The following TFDP1 variants were observed in gnomAD, a reference collection of about 807,000 sequenced individuals.
TFDP1 encodes DRTF1-polypeptide 1.
TFDP1 carries 6 observed loss-of-function variants against 48.0 expected under a neutral mutation model. That is an observed-to-expected ratio of 0.13 (90% CI 0.07 to 0.25). The LOEUF (loss-of-function observed/expected upper bound fraction) is 0.25. Ranked by LOEUF, TFDP1 falls within the 10% of genes least tolerant of loss-of-function variation. TFDP1 has a pLI of 1.00. For synonymous variants in TFDP1, 201 were observed against 211.6 expected, an observed-to-expected ratio of 0.95 and a Z score of 0.44; for missense variants, 335 against 543.0, an observed-to-expected ratio of 0.62 and a Z score of 3.81.
intron 2 of TFDP1, among the ~76,000 whole-genome samples, chr13:113,593,138 C>T (rs1227541054): frequency 1.5e-5 from 2 of 130,316 alleles, no homozygotes; most frequent in African/African-American, 3.0e-5. Context: ...CAGCCCTGCC[C>T]AGGTGACAGG....
At chr13:113,629,758 T>G (rs1225979599) in intron 4 of TFDP1, among the ~76,000 whole-genome samples, 1 of 144,984 alleles carries the variant, frequency 6.9e-6, no homozygotes, top group Non-Finnish European at 1.5e-5. Flanking sequence ...AGTTCCTCGT[T>G]GTAAGTCAGT....
At chr13:113,632,828 A>G (rs1288374762) in intron 5 of TFDP1, among the ~76,000 whole-genome samples, 4 of 152,252 alleles carry the variant, frequency 2.6e-5, no homozygotes, top group African/African-American at 7.2e-5. Flanking sequence ...GTACCGGCAC[A>G]TCTCCCATAT....
chr13:113,613,834 A>T (rs971797893), intron 3 of TFDP1, among the ~76,000 whole-genome samples: 1 of 149,890 alleles, frequency 6.7e-6, no homozygotes, highest in South Asian at 2.1e-4. Flanking sequence ...TGGGTTGCAT[A>T]TGTGTTGAGT....
chr13:113,624,981 C>T (rs2140499445), intron 4 of TFDP1, among the ~76,000 whole-genome samples: 1 of 112,156 alleles, frequency 8.9e-6, no homozygotes, highest in Non-Finnish European at 1.8e-5. Context: ...TCTCACATGT[C>T]CTCAGGTGTC....
chr13:113,631,580 G>A, intron 4 of TFDP1, 43 bp from the exon 5 acceptor site: 1 of 1,589,472 alleles, frequency 6.3e-7, no homozygotes, highest in Non-Finnish European at 8.5e-7. Flanking sequence ...CCCTCGCCGT[G>A]TGGGAGGGGA....
chr13:113,626,296 C>T (rs2049178063), intron 4 of TFDP1, among the ~76,000 whole-genome samples: 2 of 152,238 alleles, frequency 1.3e-5, no homozygotes, highest in South Asian at 2.1e-4. Context: ...AACATGACCA[C>T]ATACCAGGGA....
At chr13:113,595,886 T>C (rs1026405969) in intron 2 of TFDP1, among the ~76,000 whole-genome samples, 1 of 152,194 alleles carries the variant, frequency 6.6e-6, no homozygotes. Context: ...ATCGAGACCA[T>C]CCTGGCTAAC....
At position 113,623,387 on chromosome 13, in the gene TFDP1, C is replaced by T. The variant is rs1253004718; in HGVS notation, c.186+101C>T. 17 of 1,155,270 alleles carry T rather than the reference C, an allele frequency of 1.5e-5. No individual in the cohort carries two copies. The highest frequency in any genetic ancestry group is 2.0e-4 in the Middle Eastern group (1 of 5,120). 71.6% of individuals were successfully genotyped at this position (1,155,270 alleles called of 1,614,324 possible). A position where few individuals can be genotyped will look rare whatever the true frequency, so the allele number is the denominator to read the frequency against. ...GTTCCCAGGTGTGCCTGGATTTGGG[C>T]TCCAGTTGCAGCATGGGGCCTTTCC... is the stretch of plus-strand genomic sequence containing the variant. On this transcript the variant is annotated intron_variant, in intron 4 of 11. Transcript: ENST00000375370. The surrounding 1 kb of genome is among the most constrained non-coding windows in gnomAD (Gnocchi z 5.2).
At chr13:113,593,700 TGTG>T (rs1462487132) in intron 2 of TFDP1, among the ~76,000 whole-genome samples, 4 of 126,844 alleles carry the variant, frequency 3.2e-5, no homozygotes, top group African/African-American at 9.3e-5. Flanking sequence ...AGGTGACAGG[TGTG>T]GTGTACGTGG....
In TFDP1 at chr13:113,640,918, T is replaced by TTTTG. The variant is rs762309268; in HGVS notation, c.*663_*666dup. The stretch of plus-strand genomic sequence containing the variant: ...TTTGCAGCAACAAATTGCGAAGTGC[T>TTTTG]TTTGTTTGTTTGTTTTCGTTTGGTT... On this transcript the variant is annotated 3_prime_UTR_variant, in exon 12 of 12. Transcript: ENST00000375370. 6.5e-6 allele frequency: 1 copy of TTTTG among 152,978 alleles called. No individual in the cohort carries two copies. Among genetic ancestry groups the TTTTG allele is most frequent in the Non-Finnish European group, 1.5e-5 (1 of 68,300 alleles). The allele number at this position is 152,978 out of a possible 1,614,324, so 9.5% of individuals were successfully genotyped here. A position where few individuals can be genotyped will look rare whatever the true frequency, so the allele number is the denominator to read the frequency against.
intron 2 of TFDP1, among the ~76,000 whole-genome samples, chr13:113,602,017 C>T (rs753308158): frequency 2.2e-4 from 33 of 150,766 alleles, no homozygotes; most frequent in Non-Finnish European, 3.7e-4. Flanking sequence ...GAGGGAGGAG[C>T]GGACAGAGTT....
At chr13:113,594,066 A>G (rs1445825953) in intron 2 of TFDP1, among the ~76,000 whole-genome samples, 19 of 99,330 alleles carry the variant, frequency 1.9e-4, no homozygotes, top group Admixed American at 4.6e-4. Flanking sequence ...TGTGGTGTAC[A>G]CGGGTCCTCA....
chr13:113,634,205 G>C (rs748418688), intron 7 of TFDP1, 172 bp downstream of exon 7: 9 of 941,036 alleles, frequency 9.6e-6, no homozygotes, highest in Non-Finnish European at 1.5e-5. Context: ...TGTCAGGGGA[G>C]GGAGCATGGT....
intron 4 of TFDP1, among the ~76,000 whole-genome samples, chr13:113,626,042 C>T (rs2049166840): frequency 6.7e-6 from 1 of 149,040 alleles, no homozygotes; most frequent in Non-Finnish European, 1.5e-5. Flanking sequence ...TCTCACGCGT[C>T]CTCAGGTGTC....
chr13:113,610,321 G>A (rs547568096), intron 2 of TFDP1, among the ~76,000 whole-genome samples: 4 of 151,036 alleles, frequency 2.6e-5, no homozygotes, highest in South Asian at 2.1e-4. Context: ...GTGCCCTGAC[G>A]TGTGACTGTA....
At chr13:113,618,758 A>G (rs1040320371) in intron 3 of TFDP1, among the ~76,000 whole-genome samples, 1 of 152,252 alleles carries the variant, frequency 6.6e-6, no homozygotes, top group Admixed American at 6.5e-5. Context: ...TTCATATGAC[A>G]TCTGTGTTCA....
chr13:113,622,626 G>A (rs2049023072), intron 3 of TFDP1, among the ~76,000 whole-genome samples: 1 of 152,200 alleles, frequency 6.6e-6, no homozygotes, highest in African/African-American at 2.4e-5. Context: ...GCTGTTGGAA[G>A]ACAGAGGCTT....
At chr13:113,610,660 C>G (rs1172741294) in intron 2 of TFDP1, among the ~76,000 whole-genome samples, 1 of 152,260 alleles carries the variant, frequency 6.6e-6, no homozygotes, top group Non-Finnish European at 1.5e-5. Flanking sequence ...GTACTCTTAC[C>G]TGTGCCACAC....
chr13:113,618,248 G>A (rs567606766), intron 3 of TFDP1, among the ~76,000 whole-genome samples: 4 of 152,300 alleles, frequency 2.6e-5, no homozygotes, highest in East Asian at 1.9e-4. Flanking sequence ...TTGGCTGGGC[G>A]TGGTGGCTCA....
Sources: allele counts gnomAD v4.1 joint callset (sites outside exome capture counted in the v4.1 genomes callset), GRCh38; gene constraint gnomAD v4.1.1; non-coding constraint Gnocchi (gnomAD v3.1); transcripts MANE v1.5; gene names NCBI Gene and HGNC (gene_info 2026-07-23, HGNC 2026-07-21).